Variants in PCDH15 observed in about 807,000 individuals in gnomAD.
The protein encoded by PCDH15 is protocadherin-15.
PCDH15 carries 129 observed loss-of-function variants against 178.5 expected under a neutral mutation model. The ratio of observed to expected loss-of-function variants is 0.72; its 90% CI spans 0.63 to 0.84. The LOEUF (loss-of-function observed/expected upper bound fraction) is 0.84. Among genes scored for constraint, PCDH15 ranks in the 40% least tolerant of loss-of-function variants. The probability of loss-of-function intolerance (pLI) is 0.00; values close to 1 mark genes in which losing one functional copy is unlikely to be tolerated. For synonymous variants in PCDH15, 800 were observed against 732.0 expected (o/e 1.09, Z -1.50); for missense variants, 2,230 against 2,099.9 (o/e 1.06, Z -1.21).
intron 7 of PCDH15, among the ~76,000 whole-genome samples, chr10:54,322,309 C>T (rs929837610): frequency 6.6e-6 from 1 of 151,752 alleles, no homozygotes; most frequent in Admixed American, 6.6e-5. Context: ...CAAAGAAGAT[C>T]TCCTTTCTTC....
intron 8 of PCDH15, 100 bp downstream of exon 8, chr10:54,317,171 G>C: frequency 7.7e-7 from 1 of 1,294,556 alleles, no homozygotes; most frequent in Non-Finnish European, 1.1e-6. Context: ...CATATACTGA[G>C]TTTTGCTATT....
intron 2 of PCDH15, among the ~76,000 whole-genome samples, chr10:54,631,091 T>C (rs753368205): frequency 3.3e-5 from 5 of 152,144 alleles, no homozygotes; most frequent in African/African-American, 7.2e-5. Context: ...GGGACCTGCT[T>C]GGAGGTGTGT....
At chr10:54,259,040 A>G (rs1027484749) in intron 8 of PCDH15, among the ~76,000 whole-genome samples, 4 of 152,174 alleles carry the variant, frequency 2.6e-5, no homozygotes, top group African/African-American at 9.6e-5. Context: ...AATTATATTT[A>G]TAGAAAATCT....
chr10:54,362,611 G>A (rs1946213371), intron 5 of PCDH15, among the ~76,000 whole-genome samples: 1 of 152,032 alleles, frequency 6.6e-6, no homozygotes, highest in African/African-American at 2.4e-5. Context: ...AGCTGACTGT[G>A]AAGCACTTGG....
At chr10:54,583,143 A>G (rs2133819810) in intron 2 of PCDH15, among the ~76,000 whole-genome samples, 1 of 152,162 alleles carries the variant, frequency 6.6e-6, no homozygotes, top group African/African-American at 2.4e-5. Flanking sequence ...TAATGTATGC[A>G]CCCCTAAACA....
chr10:53,975,421 T>C (rs186238020), intron 21 of PCDH15, among the ~76,000 whole-genome samples: 4 of 152,236 alleles, frequency 2.6e-5, no homozygotes, highest in South Asian at 2.1e-4. Context: ...GTGTTTTTTT[T>C]CCCCCCATAA....
intron 2 of PCDH15, among the ~76,000 whole-genome samples, chr10:54,580,381 A>G (rs1487646608): frequency 6.6e-6 from 1 of 152,056 alleles, no homozygotes; most frequent in African/African-American, 2.4e-5. Flanking sequence ...TGATACATTC[A>G]TGAAAACATA....
At chr10:53,823,683 A>G in intron 32 of PCDH15, 1 of 473,656 alleles carries the variant, frequency 2.1e-6, no homozygotes, top group South Asian at 1.6e-5. Context: ...CACACGTAAC[A>G]GTTCCCTTAT....
intron 1 of PCDH15, among the ~76,000 whole-genome samples, chr10:54,794,561 C>T (rs1439836710): frequency 1.3e-5 from 2 of 151,564 alleles, no homozygotes; most frequent in East Asian, 1.9e-4. Flanking sequence ...TCATGCTTAC[C>T]GTATCAGATG....
intron 2 of PCDH15, among the ~76,000 whole-genome samples, chr10:55,574,632 T>C (rs1326063236): frequency 6.6e-6 from 1 of 151,980 alleles, no homozygotes; most frequent in Non-Finnish European, 1.5e-5. Flanking sequence ...CACACCTTAG[T>C]TTCAGGGTGC....
At position 54,578,322 on chromosome 10, in the gene PCDH15, A is replaced by T. The variant is rs534595522; in HGVS notation, c.92-50445T>A. ...ATCATTTTTATAAATATGAGTCTCA[A>T]ACCCTTGATTGATAAAGAAAATGCT... On this transcript the variant is annotated intron_variant, in intron 2 of 37. Transcript: ENST00000644397. Among the ~76,000 whole-genome samples the T allele has an allele frequency of 9.4e-4, 143 of 152,256 alleles. 5 individuals are homozygous for T. In the South Asian group the frequency reaches 0.029, roughly 31 times the overall value.
intron 1 of PCDH15, among the ~76,000 whole-genome samples, chr10:54,747,923 A>G (rs1424993898): frequency 3.3e-5 from 5 of 150,302 alleles, no homozygotes; most frequent in African/African-American, 4.9e-5. Flanking sequence ...CTCCTGCCTC[A>G]GCCTCCAGAG....
At chr10:54,900,491 A>G (rs966336887) in intron 2 of PCDH15, among the ~76,000 whole-genome samples, 1 of 152,200 alleles carries the variant, frequency 6.6e-6, no homozygotes, top group African/African-American at 2.4e-5. Context: ...AATAAATGAT[A>G]AAAGTTAAAC....
At chr10:54,129,221 G>A (rs748707018) in intron 15 of PCDH15, among the ~76,000 whole-genome samples, 3 of 151,988 alleles carry the variant, frequency 2.0e-5, no homozygotes, top group Non-Finnish European at 4.4e-5. Context: ...GAAAGTTAAC[G>A]CAGCTGACAT....
chr10:54,458,491 C>A lies in PCDH15; in HGVS notation c.157+69321G>T, dbSNP rs550788777. 3.3e-5 allele frequency among the ~76,000 whole-genome samples: 5 copies of A among 151,282 alleles called. No homozygotes were observed. The East Asian group carries it at 9.7e-4, about 29-fold the overall frequency. On this transcript the variant is annotated intron_variant, in intron 3 of 37. Coordinates refer to ENST00000644397, the MANE Select transcript of PCDH15 (RefSeq NM_001384140.1). ...CTACATAACCATTCGTGGTTCTTTGCTTTTTTTTTCTGTTTGCCAGGCTGT... is the reference window on the plus strand; with the variant it reads ...CTACATAACCATTCGTGGTTCTTTGATTTTTTTTTCTGTTTGCCAGGCTGT...
At chr10:54,365,079 G>A (rs1369494189) in intron 5 of PCDH15, among the ~76,000 whole-genome samples, 7 of 151,910 alleles carry the variant, frequency 4.6e-5, no homozygotes, top group African/African-American at 1.2e-4. Flanking sequence ...CCTTTTAAGG[G>A]CTCACACTGA....
At chr10:54,961,286 G>A (rs1263386221) in intron 2 of PCDH15, among the ~76,000 whole-genome samples, 1 of 152,194 alleles carries the variant, frequency 6.6e-6, no homozygotes, top group African/African-American at 2.4e-5. Context: ...GCACCCTCCA[G>A]ACTTTGGGTG....
intron 2 of PCDH15, among the ~76,000 whole-genome samples, chr10:55,055,821 A>G (rs956028672): frequency 2.6e-5 from 4 of 152,140 alleles, no homozygotes; most frequent in Non-Finnish European, 5.9e-5. Flanking sequence ...AAATCAATAA[A>G]TAAAAAAGAA....
At chr10:55,602,079 C>T (rs1309262153) in intron 2 of PCDH15, among the ~76,000 whole-genome samples, 4 of 152,206 alleles carry the variant, frequency 2.6e-5, no homozygotes, top group East Asian at 1.9e-4. Context: ...ACTCGGGAGG[C>T]GCAAGGGGTC....
Sources: gnomAD v4.1 joint callset for allele counts (sites outside exome capture counted in the v4.1 genomes callset) on GRCh38, gnomAD v4.1.1 for gene constraint, MANE v1.5 for transcripts, NCBI Gene and HGNC (gene_info 2026-07-23, HGNC 2026-07-21) for gene names.